Variants in ATL1 observed in about 807,000 individuals in gnomAD.
ATL1 encodes atlastin GTPase 1.
ATL1 carries 31 observed loss-of-function variants against 75.5 expected under a neutral mutation model. The observed-to-expected ratio is 0.41, with a 90% CI of 0.31 to 0.55. The LOEUF is 0.55. Among genes scored for constraint, ATL1 ranks in the 20% least tolerant of loss-of-function variants. The pLI, the probability that ATL1 is intolerant of heterozygous loss-of-function variation, is 0.27. For synonymous variants in ATL1, 226 were observed against 233.3 expected (o/e 0.97, Z 0.28); for missense variants, 405 against 662.6 (o/e 0.61, Z 4.27).
At chr14:50,620,752 C>A (rs746874121) in intron 9 of ATL1, 26 bp downstream of exon 9, 1 of 1,610,660 alleles carries the variant, frequency 6.2e-7, no homozygotes, top group Non-Finnish European at 8.5e-7. Flanking sequence ...CTAGAGCATT[C>A]GTGGGATAGA....
chr14:50,627,945 A>G (rs2039537180), intron 11 of ATL1, 86 bp from the exon 12 acceptor site: 1 of 1,305,138 alleles, frequency 7.7e-7, no homozygotes, highest in East Asian at 2.4e-5. Flanking sequence ...TATTCTAACA[A>G]ACTCAACTAG....
chr14:50,611,272 TG>T (rs2039363512), intron 6 of ATL1, among the ~76,000 whole-genome samples: 1 of 152,160 alleles, frequency 6.6e-6, no homozygotes, highest in African/African-American at 2.4e-5. Flanking sequence ...TTGTTGGAAT[TG>T]GATTTCATTA....
intron 1 of ATL1, among the ~76,000 whole-genome samples, chr14:50,541,369 G>A (rs1290217058): frequency 1.3e-5 from 2 of 152,148 alleles, no homozygotes; most frequent in Non-Finnish European, 2.9e-5. Flanking sequence ...ACTAATACCA[G>A]AGAACGAGAG....
At chr14:50,614,577 T>C in intron 8 of ATL1, 66 bp downstream of exon 8, 1 of 1,534,426 alleles carries the variant, frequency 6.5e-7, no homozygotes, top group Non-Finnish European at 9.0e-7. Context: ...ATTTTATCTA[T>C]TGGGCTTATG....
At chr14:50,582,425 C>G (rs61982173) in intron 1 of ATL1, among the ~76,000 whole-genome samples, 1 of 147,822 alleles carries the variant, frequency 6.8e-6, no homozygotes, top group African/African-American at 2.5e-5. Flanking sequence ...TTTTTTTTTC[C>G]ATAAGACGGA....
At chr14:50,547,875 T>A (rs1474039636) in intron 1 of ATL1, among the ~76,000 whole-genome samples, 1 of 152,224 alleles carries the variant, frequency 6.6e-6, no homozygotes, top group Admixed American at 6.5e-5. Context: ...TAATGGACTT[T>A]CCAGGTACTA....
At position 50,574,831 on chromosome 14, in the gene ATL1, T is replaced by A. The variant is rs1011635577; in HGVS notation, c.35-13000T>A. Reference sequence around the variant, plus strand: ...TAAATAATGTTGTCATGAACCTCTATGTAAATAAATACGCATGGAATTGTT... The same window carrying A: ...TAAATAATGTTGTCATGAACCTCTAAGTAAATAAATACGCATGGAATTGTT... On this transcript the variant is annotated intron_variant, in intron 1 of 13. Transcript: ENST00000358385. Among the ~76,000 whole-genome samples the A allele has an allele frequency of 3.1e-4, 47 of 151,126 alleles. 1 individual carries two copies. The highest frequency in any genetic ancestry group is 3.1e-3 in the Admixed American group (47 of 15,124).
At chr14:50,571,941 G>A (rs866411771) in intron 1 of ATL1, 3 of 371,196 alleles carry the variant, frequency 8.1e-6, no homozygotes, top group East Asian at 7.7e-5. Flanking sequence ...TAACATGATG[G>A]TACTATTTCC....
chr14:50,592,589 T>A (rs1021265957), intron 4 of ATL1, among the ~76,000 whole-genome samples: 2 of 151,926 alleles, frequency 1.3e-5, no homozygotes, highest in East Asian at 3.9e-4. Flanking sequence ...CTTTTAAAAA[T>A]TAACTTTTCT....
chr14:50,620,243 G>A (rs1272284658), intron 8 of ATL1, among the ~76,000 whole-genome samples: 1 of 152,194 alleles, frequency 6.6e-6, no homozygotes, highest in Non-Finnish European at 1.5e-5. Flanking sequence ...GGGCGACAGA[G>A]CAAGACTTCA....
intron 3 of ATL1, 36 bp downstream of exon 3, chr14:50,591,111 C>T: frequency 6.3e-7 from 1 of 1,597,566 alleles, no homozygotes; most frequent in Non-Finnish European, 8.6e-7. Context: ...ATTGAGTTTT[C>T]ACTTATAACA....
intron 1 of ATL1, among the ~76,000 whole-genome samples, chr14:50,550,867 T>A (rs1175136123): frequency 6.6e-6 from 1 of 152,082 alleles, no homozygotes; most frequent in Non-Finnish European, 1.5e-5. Flanking sequence ...GTGACACAAC[T>A]TATCAAAACC....
intron 2 of ATL1, among the ~76,000 whole-genome samples, chr14:50,590,273 C>A (rs1427338673): frequency 6.6e-6 from 1 of 152,110 alleles, no homozygotes; most frequent in Non-Finnish European, 1.5e-5. Flanking sequence ...ATCTTTCTAC[C>A]ACAACTATGA....
chr14:50,539,287 C>A (rs2038532631), intron 1 of ATL1, among the ~76,000 whole-genome samples: 2 of 152,172 alleles, frequency 1.3e-5, no homozygotes, highest in Admixed American at 1.3e-4. Context: ...TAGCACTTAG[C>A]TGCTGTAACA....
At position 50,624,985 on chromosome 14, in the gene ATL1, G is replaced by A. The variant is rs188190357; in HGVS notation, c.1119+1737G>A. On this transcript the variant is annotated intron_variant, in intron 11 of 13. Coordinates refer to ENST00000358385, the MANE Select transcript of ATL1 (RefSeq NM_015915.5). ...CTTGGGAGGCCGAGGCAGGAGAATC[G>A]CTTGAACCCAGGAGGCAGAGGTTGC... Among the ~76,000 whole-genome samples, 38 of 149,148 alleles carry A rather than the reference G, an allele frequency of 2.5e-4. 1 individual carries two copies. Among genetic ancestry groups the A allele is most frequent in the Admixed American group, 2.3e-3 (35 of 14,926 alleles).
intron 1 of ATL1, among the ~76,000 whole-genome samples, chr14:50,575,342 C>G (rs973998602): frequency 3.3e-5 from 5 of 152,044 alleles, no homozygotes; most frequent in Admixed American, 2.0e-4. Context: ...TCCTTTTAAC[C>G]CTCTTCTTCA....
At chr14:50,564,964 C>A (rs1274724994) in intron 1 of ATL1, among the ~76,000 whole-genome samples, 1 of 151,972 alleles carries the variant, frequency 6.6e-6, no homozygotes, top group Non-Finnish European at 1.5e-5. Flanking sequence ...CTTCTATATA[C>A]CTAATTCTTC....
chr14:50,564,679 A>G (rs1453552844), intron 1 of ATL1, among the ~76,000 whole-genome samples: 1 of 126,696 alleles, frequency 7.9e-6, no homozygotes, highest in African/African-American at 3.0e-5. Flanking sequence ...AAAAAAAAAG[A>G]AGAAGAAAAG....
chr14:50,609,375 G>A (rs1014821994), intron 6 of ATL1, among the ~76,000 whole-genome samples: 2 of 151,918 alleles, frequency 1.3e-5, no homozygotes, highest in South Asian at 2.1e-4. Context: ...AGAATGAGGA[G>A]AGCATGTGCC....
Sources: allele counts gnomAD v4.1 joint callset (sites outside exome capture counted in the v4.1 genomes callset), GRCh38; gene constraint gnomAD v4.1.1; transcripts MANE v1.5; gene names NCBI Gene and HGNC (gene_info 2026-07-23, HGNC 2026-07-21).